RANBP2: variants seen among roughly 807,000 people sequenced by gnomAD.
The protein encoded by RANBP2 is E3 SUMO-protein ligase RanBP2.
A neutral mutation model predicts 303.6 loss-of-function variants in RANBP2; 57 were observed. The ratio of observed to expected loss-of-function variants is 0.19; its 90% CI spans 0.15 to 0.23. The LOEUF (loss-of-function observed/expected upper bound fraction) is 0.23. Ranked by LOEUF, RANBP2 falls within the 10% of genes least tolerant of loss-of-function variation. RANBP2 has a pLI of 1.00. For synonymous variants in RANBP2, 1,167 were observed against 1,301.5 expected, an observed-to-expected ratio of 0.90 and a Z score of 2.23; for missense variants, 3,138 against 3,780.8, an observed-to-expected ratio of 0.83 and a Z score of 4.46.
At chr2:109,538,597 G>A in the RANBP2 span, among the ~76,000 whole-genome samples, 1 of 152,200 alleles carries the variant, frequency 6.6e-6, no homozygotes, top group Non-Finnish European at 1.5e-5. Flanking sequence ...GCTTACCACG[G>A]CGGCCTCTGC....
At chr2:109,394,315 C>A in the RANBP2 span, among the ~76,000 whole-genome samples, 8 of 152,296 alleles carry the variant, frequency 5.3e-5, no homozygotes, top group South Asian at 2.1e-4. Context: ...TAAGCGGGGT[C>A]CCCTGTGGGA....
chr2:109,187,335 T>C, the RANBP2 span, among the ~76,000 whole-genome samples: 1 of 149,374 alleles, frequency 6.7e-6, no homozygotes, highest in African/African-American at 2.5e-5. Context: ...AGCTCTTTTC[T>C]CCAGAGTGCA....
At chr2:109,571,688 G>T in the RANBP2 span, among the ~76,000 whole-genome samples, 1 of 152,114 alleles carries the variant, frequency 6.6e-6, no homozygotes, top group African/African-American at 2.4e-5. Flanking sequence ...TTTATATAAG[G>T]AATTTCAGCA....
the RANBP2 span, among the ~76,000 whole-genome samples, chr2:108,905,401 C>G: frequency 2.0e-5 from 3 of 152,184 alleles, no homozygotes; most frequent in African/African-American, 7.2e-5. Flanking sequence ...GGAGAGATGC[C>G]ACATTTCAGC....
the RANBP2 span, among the ~76,000 whole-genome samples, chr2:109,247,112 A>T: frequency 6.6e-6 from 1 of 152,306 alleles, no homozygotes; most frequent in East Asian, 1.9e-4. Flanking sequence ...GGGAATTGTA[A>T]TCCCATGGGT....
At chr2:109,145,930 C>G in the RANBP2 span, among the ~76,000 whole-genome samples, 1 of 152,130 alleles carries the variant, frequency 6.6e-6, no homozygotes, top group African/African-American at 2.4e-5. Context: ...TGCCTGGGTT[C>G]ATGTCTCCCT....
chr2:109,129,560 GGCTGTGCGCATCCAAGGCGGCCGCC>G, the RANBP2 span: 2 of 1,491,134 alleles, frequency 1.3e-6, no homozygotes, highest in Non-Finnish European at 1.8e-6. Flanking sequence ...GGAGCGTCCT[GGCTGTGCGCATCCAAGGCGGCCGCC>G]GCTGCTGCGC....
the RANBP2 span, among the ~76,000 whole-genome samples, chr2:109,045,843 G>T: frequency 6.6e-6 from 1 of 152,138 alleles, no homozygotes; most frequent in Non-Finnish European, 1.5e-5. Context: ...GACTTTTCCA[G>T]AACAACCATG....
the RANBP2 span, among the ~76,000 whole-genome samples, chr2:109,392,831 G>T: frequency 6.6e-6 from 1 of 152,126 alleles, no homozygotes; most frequent in African/African-American, 2.4e-5. Flanking sequence ...CTTCTTACTA[G>T]CTTAGTCACT....
chr2:109,602,662 C>CA, the RANBP2 span, among the ~76,000 whole-genome samples: 2 of 126,442 alleles, frequency 1.6e-5, no homozygotes, highest in Non-Finnish European at 3.3e-5. Context: ...GCAACAAAAG[C>CA]AAAACTCCAT....
chr2:109,193,350 T>C, the RANBP2 span, among the ~76,000 whole-genome samples: 1 of 152,232 alleles, frequency 6.6e-6, no homozygotes, highest in South Asian at 2.1e-4. Flanking sequence ...TCAGTGGTTT[T>C]AGTATATTCA....
the RANBP2 span, among the ~76,000 whole-genome samples, chr2:109,014,590 G>A: frequency 6.6e-6 from 1 of 152,318 alleles, no homozygotes; most frequent in East Asian, 1.9e-4. Context: ...CCAGTTCCAA[G>A]TCCTCGGAAC....
chr2:108,920,092 C>T, the RANBP2 span, among the ~76,000 whole-genome samples: 1 of 152,372 alleles, frequency 6.6e-6, no homozygotes, highest in East Asian at 1.9e-4. Flanking sequence ...TCTCTTTCCC[C>T]TTCTGTGTGC....
chr2:109,182,271 G>C, the RANBP2 span, among the ~76,000 whole-genome samples: 1 of 152,152 alleles, frequency 6.6e-6, no homozygotes, highest in Non-Finnish European at 1.5e-5. Flanking sequence ...AGAAGGCATC[G>C]CATGGTGAGA....
chr2:108,907,368 G>A, the RANBP2 span, among the ~76,000 whole-genome samples: 13 of 152,120 alleles, frequency 8.5e-5, no homozygotes, highest in African/African-American at 3.1e-4. Flanking sequence ...CAAAGTGGCT[G>A]GGCGTGGTAG....
chr2:108,776,997 A>C, intron 24 of RANBP2, 133 bp from the exon 25 acceptor site: 1 of 714,694 alleles, frequency 1.4e-6, no homozygotes, highest in Non-Finnish European at 2.3e-6. Flanking sequence ...TGTATTTTGT[A>C]ACTTGACAGA....
the RANBP2 span, among the ~76,000 whole-genome samples, chr2:109,266,731 C>A: frequency 1.3e-5 from 2 of 152,164 alleles, no homozygotes; most frequent in African/African-American, 4.8e-5. Flanking sequence ...AGTGACACGG[C>A]CCACGCTTGC....
At chr2:109,470,914 G>A in the RANBP2 span, among the ~76,000 whole-genome samples, 1 of 152,168 alleles carries the variant, frequency 6.6e-6, no homozygotes, top group Non-Finnish European at 1.5e-5. Context: ...TTTTCACACT[G>A]CTGTAAAGAA....
chr2:108,765,487 A>G lies in RANBP2; in HGVS notation c.4948A>G (p.Thr1650Ala), dbSNP rs780203279. The change falls in exon 20 of 29, where the codon ACA becomes GCA. Residue 1650 changes from threonine to alanine, a missense_variant. Thr to Ala is a moderately conservative substitution (Grantham distance 58). Around this residue, in one of 20 missense-constraint regions of RANBP2, gnomAD observed 51 missense variants for 112.1 expected, o/e 0.45. Coordinates refer to ENST00000283195, the MANE Select transcript of RANBP2 (RefSeq NM_006267.5). Reference protein sequence around the residue: ...SAVSTPASSETSKAPKSGFEG... With the variant: ...SAVSTPASSEASKAPKSGFEG... ...AGTTTCAACACCTGCCTCTTCAGAG[A>G]CAAGCAAGGCTCCAAAGAGCGGATT... 3.2e-6 allele frequency: 5 copies of G among 1,564,690 alleles called. No individual in the cohort carries two copies. Among genetic ancestry groups the G allele is most frequent in the Non-Finnish European group, 4.3e-6 (5 of 1,160,196 alleles).
Sources: allele counts gnomAD v4.1 joint callset (sites outside exome capture counted in the v4.1 genomes callset), GRCh38; gene constraint gnomAD v4.1.1; regional missense constraint gnomAD v4.1.1; transcripts MANE v1.5; gene names NCBI Gene and HGNC (gene_info 2026-07-23, HGNC 2026-07-21).